NAV2: variants seen among roughly 807,000 people sequenced by gnomAD.
The protein encoded by NAV2 is neuron navigator 2.
A neutral mutation model predicts 223.2 loss-of-function variants in NAV2; 54 were observed. The ratio of observed to expected loss-of-function variants is 0.24; its 90% confidence interval spans 0.19 to 0.30. NAV2 has a LOEUF of 0.30. NAV2 is among the 10% of genes least tolerant of loss of function. NAV2 has a pLI of 1.00. For missense variants in NAV2, 2,806 were observed against 3,147.5 expected (o/e 0.89, Z 2.60); for synonymous variants, 1,279 against 1,239.3 (o/e 1.03, Z -0.67).
chr11:19,839,526 A>C (rs1417919686), intron 2 of NAV2, among the ~76,000 whole-genome samples: 1 of 152,172 alleles, frequency 6.6e-6, no homozygotes, highest in African/African-American at 2.4e-5. Context: ...TTCAGACAAC[A>C]TGTAGGACTA....
chr11:19,906,849 T>C (rs2028609), intron 6 of NAV2, among the ~76,000 whole-genome samples: 62,771 of 152,038 alleles, frequency 0.41, 14,001 homozygotes, highest in Non-Finnish European at 0.49. Flanking sequence ...TCTCCAGCCT[T>C]TGGGATTCTT....
chr11:19,708,456 C>A (rs369868952), upstream of NAV2, among the ~76,000 whole-genome samples: 27 of 152,274 alleles, frequency 1.8e-4, 2 homozygotes, highest in Middle Eastern at 3.4e-3. Context: ...ACTTTTCCCC[C>A]CAAGATCCCT....
chr11:19,929,576 C>T (rs2045127675), intron 6 of NAV2, among the ~76,000 whole-genome samples: 1 of 152,088 alleles, frequency 6.6e-6, no homozygotes, highest in Admixed American at 6.5e-5. Flanking sequence ...CTTGAAATGC[C>T]CCCATGACTT....
chr11:19,380,101 T>A (rs2133921567), intron 1 of NAV2, among the ~76,000 whole-genome samples: 1 of 152,322 alleles, frequency 6.6e-6, no homozygotes, highest in African/African-American at 2.4e-5. Context: ...CTTCATCCCC[T>A]TATTGTTGCC....
At chr11:19,989,461 C>T (rs2051118014) in intron 11 of NAV2, among the ~76,000 whole-genome samples, 1 of 152,104 alleles carries the variant, frequency 6.6e-6, no homozygotes, top group Non-Finnish European at 1.5e-5. Flanking sequence ...ATCATTTTAG[C>T]CCACGAGACC....
intron 1 of NAV2, among the ~76,000 whole-genome samples, chr11:19,421,359 T>C (rs4387333): frequency 0.68 from 103,463 of 151,552 alleles, 35,455 homozygotes; most frequent in Admixed American, 0.73. Flanking sequence ...CTCTAAGGCG[T>C]GCATGCTCAC....
At chr11:20,005,568 A>G (rs79038135) in intron 11 of NAV2, among the ~76,000 whole-genome samples, 2 of 29,374 alleles carry the variant, frequency 6.8e-5, no homozygotes, top group Admixed American at 6.8e-4. Context: ...AAAAAAAAGA[A>G]AAAAAAAAAA....
intron 1 of NAV2, among the ~76,000 whole-genome samples, chr11:19,440,365 A>C (rs908868297): frequency 6.6e-6 from 1 of 152,136 alleles, no homozygotes; most frequent in Non-Finnish European, 1.5e-5. Context: ...GGTTAAACCA[A>C]GTGCTTCAGG....
chr11:20,091,030 G>A lies in NAV2; in HGVS notation c.5652+12G>A, dbSNP rs2153683301. On this transcript the variant is annotated intron_variant, in intron 27 of 37. Transcript: ENST00000349880. ...TGAACAGGATGCAGGTGAGAGCCCA[G>A]GAGCATGGGCTGAGCTCAAGGCTGT... The A allele has an allele frequency of 6.2e-7, 1 of 1,611,910 alleles. No individual in the cohort carries two copies. The highest frequency in any genetic ancestry group is 2.2e-5 in the East Asian group (1 of 44,876).
At chr11:19,393,490 C>A (rs144475218) in intron 1 of NAV2, among the ~76,000 whole-genome samples, 21 of 152,270 alleles carry the variant, frequency 1.4e-4, no homozygotes, top group Admixed American at 4.6e-4. Context: ...GCTGCGGATC[C>A]CTTTGTCTGT....
At chr11:19,600,675 C>T (rs563356125) in intron 1 of NAV2, among the ~76,000 whole-genome samples, 38 of 152,026 alleles carry the variant, frequency 2.5e-4, no homozygotes, top group African/African-American at 8.2e-4. Context: ...TCTATAGCTG[C>T]GAAATGGGGA....
intron 1 of NAV2, among the ~76,000 whole-genome samples, chr11:19,790,055 C>T (rs533391758): frequency 9.9e-5 from 15 of 152,260 alleles, no homozygotes; most frequent in Non-Finnish European, 1.3e-4. Context: ...GGGGGAAAAA[C>T]CAAGGATCTG....
chr11:19,619,363 T>G (rs1426137631), intron 1 of NAV2, among the ~76,000 whole-genome samples: 5 of 152,162 alleles, frequency 3.3e-5, no homozygotes, highest in Admixed American at 6.5e-5. Context: ...TGAACTAGTT[T>G]ACAGTCCCAC....
intron 6 of NAV2, among the ~76,000 whole-genome samples, chr11:19,918,637 A>G (rs1373951623): frequency 6.6e-6 from 1 of 152,208 alleles, no homozygotes; most frequent in Non-Finnish European, 1.5e-5. Context: ...TCATGAATGT[A>G]TTTGGCTGAC....
chr11:20,044,420 C>T lies in NAV2; in HGVS notation c.3199+148C>T, dbSNP rs529070406. 575 of 735,210 alleles carry T rather than the reference C, an allele frequency of 7.8e-4. 1 individual carries two copies. The highest frequency in any genetic ancestry group is 2.4e-3 in the South Asian group (116 of 48,538). 45.5% of individuals were successfully genotyped at this position (735,210 alleles called of 1,614,324 possible). A position where few individuals can be genotyped will look rare whatever the true frequency, so the allele number is the denominator to read the frequency against. On this transcript the variant is annotated intron_variant, in intron 13 of 37. Coordinates refer to ENST00000349880, the MANE Select transcript of NAV2 (RefSeq NM_145117.5). ...GCTTCCATAAACTTTCACATCCCTA[C>T]CTTTTTCTAAGTGGAAATAAGTAAG...
At chr11:19,751,764 G>T (rs1421131542) in intron 1 of NAV2, among the ~76,000 whole-genome samples, 3 of 152,164 alleles carry the variant, frequency 2.0e-5, no homozygotes, top group African/African-American at 7.2e-5. Context: ...TGGAATGCAA[G>T]CCCTGTGAAG....
At chr11:19,870,264 T>G (rs749718817) in intron 4 of NAV2, among the ~76,000 whole-genome samples, 2 of 151,642 alleles carry the variant, frequency 1.3e-5, no homozygotes, top group Non-Finnish European at 2.9e-5. Context: ...GGGGCGGGGG[T>G]TTGCTGGGAG....
chr11:19,762,864 A>G (rs2054879673), intron 1 of NAV2, among the ~76,000 whole-genome samples: 1 of 152,070 alleles, frequency 6.6e-6, no homozygotes, highest in Non-Finnish European at 1.5e-5. Context: ...CGCCCGCCTC[A>G]GCCTCCCAAA....
chr11:20,082,933 G>C, intron 25 of NAV2, 74 bp from the exon 26 acceptor site: 1 of 1,375,672 alleles, frequency 7.3e-7, no homozygotes, highest in Non-Finnish European at 9.9e-7. Flanking sequence ...GCTTTTTTGT[G>C]TGCATGTCTC....
Sources: gnomAD v4.1 joint callset for allele counts (sites outside exome capture counted in the v4.1 genomes callset) on GRCh38, gnomAD v4.1.1 for gene constraint, MANE v1.5 for transcripts, NCBI Gene and HGNC (gene_info 2026-07-23, HGNC 2026-07-21) for gene names.